The following ZFHX3 variants were observed in gnomAD, a reference collection of about 807,000 sequenced individuals.
ZFHX3 encodes zinc finger homeobox 3.
Under a neutral mutation model 279.1 loss-of-function variants are expected in ZFHX3, and 42 were observed. That is an observed-to-expected ratio of 0.15 (90% confidence interval 0.12 to 0.19). The LOEUF is 0.19. ZFHX3 is among the 10% of genes least tolerant of loss of function. The pLI, the probability that ZFHX3 is intolerant of heterozygous loss-of-function variation, is 1.00. For synonymous variants in ZFHX3, 2,293 were observed against 1,957.8 expected, an observed-to-expected ratio of 1.17 and a Z score of -4.52; for missense variants, 4,981 against 4,754.0, an observed-to-expected ratio of 1.05 and a Z score of -1.40.
intron 5 of ZFHX3, among the ~76,000 whole-genome samples, chr16:73,247,921 G>C (rs2013348347): frequency 6.6e-6 from 1 of 151,488 alleles, no homozygotes; most frequent in Admixed American, 6.6e-5. Flanking sequence ...ATATGTGCTT[G>C]TATGTGGAGT....
intron 1 of ZFHX3, among the ~76,000 whole-genome samples, chr16:73,859,072 A>G (rs117210444): frequency 0.016 from 2,493 of 152,332 alleles, 36 homozygotes; most frequent in Non-Finnish European, 0.022. Flanking sequence ...AAGTAGCTGT[A>G]CAGCTAAATA....
intron 4 of ZFHX3, among the ~76,000 whole-genome samples, chr16:73,259,974 C>T (rs1037097375): frequency 2.6e-5 from 4 of 151,968 alleles, no homozygotes; most frequent in African/African-American, 9.7e-5. Context: ...TGTCCTTAAC[C>T]GTAAAATAAA....
intron 8 of ZFHX3, chr16:73,083,201 C>T (rs1190385693): frequency 4.6e-5 from 7 of 152,582 alleles, no homozygotes; most frequent in African/African-American, 1.7e-4. Flanking sequence ...AAAACTCCGT[C>T]TCAAAAAAGC....
At chr16:72,819,087 G>A (rs999651448) in intron 5 of ZFHX3, among the ~76,000 whole-genome samples, 5 of 152,128 alleles carry the variant, frequency 3.3e-5, no homozygotes, top group African/African-American at 9.7e-5. Context: ...TAGCTTCACA[G>A]GAAGTCTCAA....
At chr16:73,725,119 G>C (rs935427602) in intron 1 of ZFHX3, among the ~76,000 whole-genome samples, 1 of 152,208 alleles carries the variant, frequency 6.6e-6, no homozygotes, top group Non-Finnish European at 1.5e-5. Context: ...TTTAACCGGC[G>C]TATATTAAAT....
chr16:73,346,541 G>T (rs1272729875), intron 3 of ZFHX3, among the ~76,000 whole-genome samples: 1 of 151,892 alleles, frequency 6.6e-6, no homozygotes, highest in East Asian at 1.9e-4. Context: ...GTGCGATCTC[G>T]GCTCACTGCA....
At chr16:73,354,613 G>A (rs55952218) in intron 3 of ZFHX3, among the ~76,000 whole-genome samples, 12,363 of 152,202 alleles carry the variant, frequency 0.081, 634 homozygotes, top group Middle Eastern at 0.16. Context: ...GTCTGCCTGC[G>A]TGCAAGCTCT....
At chr16:73,336,667 T>C (rs1043569835) in intron 3 of ZFHX3, among the ~76,000 whole-genome samples, 4 of 152,112 alleles carry the variant, frequency 2.6e-5, no homozygotes, top group Non-Finnish European at 4.4e-5. Context: ...TTCCATGTCT[T>C]TGCTATGTGA....
chr16:73,253,196 G>A (rs113059492), intron 5 of ZFHX3, among the ~76,000 whole-genome samples: 63 of 152,230 alleles, frequency 4.1e-4, no homozygotes, highest in African/African-American at 1.5e-3. Flanking sequence ...AAAGAAAGAA[G>A]GAGAGAATCA....
At chr16:73,425,346 T>G in intron 3 of ZFHX3, among the ~76,000 whole-genome samples, 1 of 152,268 alleles carries the variant, frequency 6.6e-6, no homozygotes, top group Middle Eastern at 3.4e-3. Flanking sequence ...TAGAAATACA[T>G]ACATAGGTAC....
chr16:72,996,881 G>A (rs1372671362), intron 1 of ZFHX3, among the ~76,000 whole-genome samples: 5 of 152,192 alleles, frequency 3.3e-5, no homozygotes, highest in East Asian at 1.9e-4. Flanking sequence ...GGTCAGCCTC[G>A]TTTTGCTAGC....
chr16:73,272,145 A>G (rs1251298912), intron 4 of ZFHX3, among the ~76,000 whole-genome samples: 1 of 152,192 alleles, frequency 6.6e-6, no homozygotes, highest in African/African-American at 2.4e-5. Flanking sequence ...AACCGTATTT[A>G]TTTAAAGGAC....
chr16:73,757,510 C>T (rs971610125), intron 1 of ZFHX3, among the ~76,000 whole-genome samples: 3 of 152,076 alleles, frequency 2.0e-5, no homozygotes, highest in Non-Finnish European at 4.4e-5. Flanking sequence ...CCCATGAGGA[C>T]AGTAGGGAAT....
chr16:73,522,318 G>T (rs142365490), intron 2 of ZFHX3, among the ~76,000 whole-genome samples: 62 of 152,304 alleles, frequency 4.1e-4, no homozygotes, highest in African/African-American at 1.5e-3. Flanking sequence ...TTGTGAAGAT[G>T]AAATACGTTC....
At chr16:73,831,781 G>A (rs1961003478) in intron 1 of ZFHX3, among the ~76,000 whole-genome samples, 1 of 152,228 alleles carries the variant, frequency 6.6e-6, no homozygotes, top group African/African-American at 2.4e-5. Flanking sequence ...GGCAAGGGAA[G>A]GGGCGGAGGA....
chr16:72,792,489 C>T lies in ZFHX3; in HGVS notation c.9427+766G>A, dbSNP rs1044945117. ...TTTTTCTTTTTTTGAGACAGTCTCG[C>T]TGTGTCACCCAGGCTGGAGTGCAGT... On this transcript the variant is annotated intron_variant, in intron 9 of 9. Transcript: ENST00000268489. Among the ~76,000 whole-genome samples, 35 of 152,022 alleles carry T rather than the reference C, an allele frequency of 2.3e-4. 1 individual carries two copies. The highest frequency in any genetic ancestry group is 7.5e-4 in the African/African-American group (31 of 41,360).
chr16:73,155,107 G>C (rs970711547), intron 5 of ZFHX3, among the ~76,000 whole-genome samples: 1 of 151,022 alleles, frequency 6.6e-6, no homozygotes, highest in African/African-American at 2.4e-5. Context: ...GGGAGGCAGA[G>C]GTTGCAAGTG....
intron 5 of ZFHX3, among the ~76,000 whole-genome samples, chr16:73,166,964 ATCC>A (rs1967389543): frequency 6.6e-6 from 1 of 152,158 alleles, no homozygotes; most frequent in Admixed American, 6.5e-5. Flanking sequence ...AACACACAGC[ATCC>A]TCCTCATGAT....
rs546002305 is a variant in ZFHX3 at position 72,959,686 on chromosome 16, C to T, written c.460G>A (p.Gly154Arg). Residue 154 changes from glycine to arginine, a missense_variant, in exon 2 of 10, where the codon GGG (glycine) becomes AGG (arginine). Coordinates refer to ENST00000268489, the MANE Select transcript of ZFHX3 (RefSeq NM_006885.4). ...VESLSQLTQG[G>R]GACGSGSGSG... ...CCACTGCCACTCCCACAGGCGCCCCCGCCCTGGGTCAGCTGGCTCAGGCTC... is the reference window on the plus strand; with the variant it reads ...CCACTGCCACTCCCACAGGCGCCCCTGCCCTGGGTCAGCTGGCTCAGGCTC... 1.4e-5 allele frequency: 23 copies of T among 1,613,940 alleles called. No homozygotes were observed. Among genetic ancestry groups the T allele is most frequent in the Admixed American group, 3.3e-5 (2 of 60,024 alleles).
Sources: gnomAD v4.1 joint callset for allele counts (sites outside exome capture counted in the v4.1 genomes callset) on GRCh38, gnomAD v4.1.1 for gene constraint, MANE v1.5 for transcripts, NCBI Gene and HGNC (gene_info 2026-07-23, HGNC 2026-07-21) for gene names.